Variants in AUTS2 observed in about 807,000 individuals in gnomAD.
AUTS2 encodes the protein activator of transcription and developmental regulator AUTS2, also known as autism susceptibility gene 2 protein.
Under a neutral mutation model 112.4 loss-of-function variants are expected in AUTS2, and 17 were observed. The ratio of observed to expected loss-of-function variants is 0.15; its 90% confidence interval spans 0.10 to 0.23. The LOEUF (loss-of-function observed/expected upper bound fraction) is 0.23, where lower values mean the gene tolerates loss of function less well. Among genes scored for constraint, AUTS2 ranks in the 10% least tolerant of loss-of-function variants. AUTS2 has a pLI of 1.00. For missense variants in AUTS2, 1,510 were observed against 1,701.6 expected (o/e 0.89, Z 1.98); for synonymous variants, 751 against 702.7 (o/e 1.07, Z -1.09).
intron 1 of AUTS2, among the ~76,000 whole-genome samples, chr7:69,700,692 G>C (rs1336319814): frequency 1.3e-5 from 2 of 152,190 alleles, no homozygotes; most frequent in Non-Finnish European, 2.9e-5. Context: ...GGTTATTGAA[G>C]TGAAAACCTT....
chr7:69,823,905 A>G (rs746675419), intron 1 of AUTS2, among the ~76,000 whole-genome samples: 2 of 152,118 alleles, frequency 1.3e-5, no homozygotes, highest in African/African-American at 2.4e-5. Context: ...AGAAATTGAG[A>G]ATTCTGTATT....
intron 2 of AUTS2, among the ~76,000 whole-genome samples, chr7:70,008,992 T>C (rs1174320177): frequency 6.6e-6 from 1 of 152,158 alleles, no homozygotes; most frequent in Non-Finnish European, 1.5e-5. Context: ...CAAGATAACT[T>C]TGGCAAGTAT....
chr7:70,512,449 G>A (rs1187543337), intron 5 of AUTS2, among the ~76,000 whole-genome samples: 1 of 152,146 alleles, frequency 6.6e-6, no homozygotes, highest in Non-Finnish European at 1.5e-5. Context: ...AAGCAAGGAA[G>A]GAGGTAACGC....
chr7:70,520,720 G>T (rs1412421877), intron 5 of AUTS2, among the ~76,000 whole-genome samples: 10 of 152,260 alleles, frequency 6.6e-5, no homozygotes, highest in African/African-American at 2.4e-4. Flanking sequence ...CCCCTTTCTT[G>T]GCACCTTGAG....
At chr7:70,450,377 G>T (rs1343012195) in intron 5 of AUTS2, among the ~76,000 whole-genome samples, 1 of 152,222 alleles carries the variant, frequency 6.6e-6, no homozygotes, top group Non-Finnish European at 1.5e-5. Context: ...AAGCAATTGA[G>T]TTAGATCTTG....
chr7:70,787,261 C>T lies in AUTS2; in HGVS notation c.2361C>T (p.Ser787=). The T allele has an allele frequency of 6.2e-7, 1 of 1,614,236 alleles. No homozygotes were observed. The highest frequency in any genetic ancestry group is 8.5e-7 in the Non-Finnish European group (1 of 1,180,040). The change falls in exon 18 of 19, where the codon AGC becomes AGT. Residue 787 remains serine (S), a synonymous_variant. Transcript: ENST00000342771. ...HKDGPSVQNF[S]NPHEPWNRLH... ...ATGGCCCCAGTGTGCAGAACTTTAG[C>T]AACCCTCACGAACCCTGGAACCGGC...
chr7:70,303,523 G>A (rs1789342734), intron 4 of AUTS2, among the ~76,000 whole-genome samples: 1 of 151,628 alleles, frequency 6.6e-6, no homozygotes, highest in South Asian at 2.1e-4. Context: ...TCTGGCTTTA[G>A]TGGTTTTCCT....
chr7:69,958,635 G>C, intron 2 of AUTS2, among the ~76,000 whole-genome samples: 1 of 152,122 alleles, frequency 6.6e-6, no homozygotes, highest in East Asian at 1.9e-4. Flanking sequence ...CTCTGGGCCT[G>C]TTTCAGATAG....
intron 4 of AUTS2, chr7:70,194,793 T>TA (rs1220819206): frequency 6.6e-6 from 1 of 152,240 alleles, no homozygotes; most frequent in Non-Finnish European, 1.5e-5. Flanking sequence ...CAAATGTAAT[T>TA]AAATGTTACT....
intron 4 of AUTS2, among the ~76,000 whole-genome samples, chr7:70,232,634 C>T (rs1812117179): frequency 6.6e-6 from 1 of 152,188 alleles, no homozygotes; most frequent in South Asian, 2.1e-4. Context: ...TTGCCTCGGC[C>T]TCTCAAAGTG....
At chr7:70,130,634 TGAGATG>T (rs1424606672) in intron 3 of AUTS2, among the ~76,000 whole-genome samples, 1 of 151,704 alleles carries the variant, frequency 6.6e-6, no homozygotes, top group African/African-American at 2.4e-5. Context: ...TACAATATAA[TGAGATG>T]GAGGTGGGTA....
chr7:70,524,767 C>G (rs1799773635), intron 5 of AUTS2, among the ~76,000 whole-genome samples: 1 of 152,176 alleles, frequency 6.6e-6, no homozygotes, highest in African/African-American at 2.4e-5. Flanking sequence ...TTCTTCCTCT[C>G]AAATAAATGA....
intron 6 of AUTS2, among the ~76,000 whole-genome samples, chr7:70,725,395 A>G (rs996533283): frequency 6.6e-6 from 1 of 152,212 alleles, no homozygotes; most frequent in Non-Finnish European, 1.5e-5. Context: ...TACAGTGGCC[A>G]GCCGTTAATC....
intron 1 of AUTS2, among the ~76,000 whole-genome samples, chr7:69,715,721 A>G (rs1239102174): frequency 1.3e-5 from 2 of 152,234 alleles, no homozygotes; most frequent in African/African-American, 4.8e-5. Flanking sequence ...CAACAGGATC[A>G]TTATTCAAAT....
At chr7:70,264,309 G>T (rs796721831) in intron 4 of AUTS2, among the ~76,000 whole-genome samples, 8 of 152,242 alleles carry the variant, frequency 5.3e-5, no homozygotes, top group African/African-American at 1.9e-4. Flanking sequence ...CTGGGTTCAA[G>T]CGATCCTCCT....
chr7:69,816,129 G>A (rs139640317), intron 1 of AUTS2, among the ~76,000 whole-genome samples: 2,986 of 152,258 alleles, frequency 0.02, 40 homozygotes, highest in Non-Finnish European at 0.029. Flanking sequence ...GTGTATTCAG[G>A]GCCTGAGTTT....
At chr7:69,785,447 G>A (rs1435814638) in intron 1 of AUTS2, among the ~76,000 whole-genome samples, 1 of 152,194 alleles carries the variant, frequency 6.6e-6, no homozygotes, top group Non-Finnish European at 1.5e-5. Flanking sequence ...GGCTGTTTTT[G>A]TTGTTCTGTT....
intron 2 of AUTS2, among the ~76,000 whole-genome samples, chr7:70,045,944 T>C (rs560389834): frequency 6.6e-6 from 1 of 152,216 alleles, no homozygotes; most frequent in Non-Finnish European, 1.5e-5. Flanking sequence ...ACATTATTAT[T>C]GGCCAGTGCT....
In AUTS2 at chr7:70,528,224, G is replaced by A. The variant is rs1033032078; in HGVS notation, c.690+92443G>A. On this transcript the variant is annotated intron_variant, in intron 5 of 18. Coordinates refer to ENST00000342771, the MANE Select transcript of AUTS2 (RefSeq NM_015570.4). ...AGTTCCCAAAACAGTGATTGACCAT[G>A]GGTCAAGATTCCCCCAATGAAGAAG... Among the ~76,000 whole-genome samples, 3 of 149,572 alleles carry A rather than the reference G, an allele frequency of 2.0e-5. No individual in the cohort carries two copies. In the Admixed American group the frequency reaches 2.0e-4, roughly 10 times the overall value.
Sources: gnomAD v4.1 joint callset for allele counts (sites outside exome capture counted in the v4.1 genomes callset) on GRCh38, gnomAD v4.1.1 for gene constraint, MANE v1.5 for transcripts, NCBI Gene and HGNC (gene_info 2026-07-23, HGNC 2026-07-21) for gene names.